The following KCNH6 variants were observed in gnomAD, a reference collection of about 807,000 sequenced individuals.
KCNH6 encodes the protein potassium voltage-gated channel subfamily H member 6.
Under a neutral mutation model 83.4 loss-of-function variants are expected in KCNH6, and 81 were observed. The observed-to-expected ratio is 0.97, with a 90% CI of 0.81 to 1.17. The LOEUF (loss-of-function observed/expected upper bound fraction) is 1.17, where lower values mean the gene tolerates loss of function less well. Ranked by LOEUF, KCNH6 falls within the 50% of genes most tolerant of loss-of-function variation. KCNH6 has a pLI of 0.00. For synonymous variants in KCNH6, 503 were observed against 545.6 expected (o/e 0.92, Z 1.09); for missense variants, 1,203 against 1,290.5 (o/e 0.93, Z 1.04).
downstream of KCNH6, among the ~76,000 whole-genome samples, chr17:63,548,446 G>A (rs1363488323): frequency 6.6e-6 from 1 of 152,136 alleles, no homozygotes; most frequent in Non-Finnish European, 1.5e-5. Context: ...AATAAGCACT[G>A]TTTGCCCCAC....
rs755413613 is a variant in KCNH6 at position 63,545,947 on chromosome 17, T to C, written c.*45T>C. On this transcript the variant is annotated 3_prime_UTR_variant, in exon 13 of 13. Transcript: ENST00000314672. ...ATGAGGGGACTGAAGGTGGGCAAGGTGAGAGTTAAGGATCTTGGGGAGGTG... is the reference window on the plus strand; with the variant it reads ...ATGAGGGGACTGAAGGTGGGCAAGGCGAGAGTTAAGGATCTTGGGGAGGTG... 5.0e-6 allele frequency: 8 copies of C among 1,587,730 alleles called. No individual in the cohort carries two copies. In the Admixed American group the frequency reaches 1.4e-4, roughly 27 times the overall value.
intron 4 of KCNH6, 138 bp downstream of exon 4, chr17:63,530,680 C>T: frequency 1.4e-6 from 1 of 733,790 alleles, no homozygotes; most frequent in South Asian, 1.8e-5. Flanking sequence ...CTGGTTTGAG[C>T]CCCGGGCCTC....
chr17:63,542,632 G>T (rs559331999), intron 9 of KCNH6, among the ~76,000 whole-genome samples, 198 bp downstream of exon 9: 1 of 152,330 alleles, frequency 6.6e-6, no homozygotes, highest in East Asian at 1.9e-4. Flanking sequence ...GGGTGCTAAG[G>T]GTGGGGCTTC....
In KCNH6 at chr17:63,536,536, C is replaced by T. The variant is rs186685863; in HGVS notation, c.1501+468C>T. 5.3e-5 allele frequency among the ~76,000 whole-genome samples: 8 copies of T among 152,102 alleles called. No individual in the cohort carries two copies. In the East Asian group the frequency reaches 1.5e-3, roughly 29 times the overall value. On this transcript the variant is annotated intron_variant, in intron 6 of 12. Transcript: ENST00000314672. Reference sequence around the variant, plus strand: ...GCACATGCCTATAATCCCAGCTACTCGGGAGGCTGAGGCAGGAGAATCAGT... The same window carrying T: ...GCACATGCCTATAATCCCAGCTACTTGGGAGGCTGAGGCAGGAGAATCAGT...
At position 63,535,070 on chromosome 17, in the gene KCNH6, G is replaced by A. The variant is rs972196683; in HGVS notation, c.1102-599G>A. ...TTTCAGATCGCCTACCTGACCCTGT[G>A]TTCCACCCTCTGGGGTGTACAGGGT... On this transcript the variant is annotated intron_variant, in intron 5 of 12. Coordinates refer to ENST00000314672, the MANE Select transcript of KCNH6 (RefSeq NM_001278919.2). The surrounding 1 kb of genome is among the most constrained non-coding windows in gnomAD (Gnocchi z 4.9). 6.6e-6 allele frequency among the ~76,000 whole-genome samples: 1 copy of A among 152,114 alleles called. No individual in the cohort carries two copies. The highest frequency in any genetic ancestry group is 2.4e-5 in the African/African-American group (1 of 41,402).
At chr17:63,532,081 G>A (rs867268758) in intron 4 of KCNH6, among the ~76,000 whole-genome samples, 5 of 152,318 alleles carry the variant, frequency 3.3e-5, no homozygotes, top group Non-Finnish European at 2.9e-5. Context: ...GCTTTGCCAC[G>A]AAGAGCCTCG....
chr17:63,524,261 G>T lies in KCNH6; in HGVS notation c.199G>T (p.Asp67Tyr), dbSNP rs781114824. The T allele has an allele frequency of 3.7e-6, 6 of 1,613,912 alleles. No individual in the cohort carries two copies. The highest frequency in any genetic ancestry group is 1.3e-5 in the African/African-American group (1 of 74,916). The part of the protein sequence containing the change: ...VEVMQQPCTC[D>Y]FLTGPNTPSS... The stretch of plus-strand genomic sequence containing the variant: ...GGTGATGCAGCAACCCTGCACCTGC[G>T]ACTTCCTCACAGGCCCCAACACACC... Residue 67 changes from aspartate to tyrosine, a missense_variant, in exon 2 of 13, where the codon GAC (aspartate) becomes TAC (tyrosine). By Grantham distance (160) the Asp-to-Tyr change is radical (BLOSUM62 -3). Transcript: ENST00000314672.
chr17:63,526,002 T>G (rs1023700602), intron 2 of KCNH6, among the ~76,000 whole-genome samples: 17 of 152,156 alleles, frequency 1.1e-4, no homozygotes, highest in Non-Finnish European at 2.2e-4. Context: ...TGATGGCTCT[T>G]GAGGTCCCCT....
Position 63,536,017 on chromosome 17 carries a change from C to G in KCNH6, c.1450C>G (p.Pro484Ala). The G allele has an allele frequency of 1.2e-6, 2 of 1,613,826 alleles. No individual in the cohort carries two copies. Among genetic ancestry groups the G allele is most frequent in the Non-Finnish European group, 1.7e-6 (2 of 1,180,022 alleles). ...CAGCGTGGGCTTCGGCAATGTCTCG[C>G]CCAACACCAACTCCGAGAAGGTCTT... ...LTSVGFGNVS[P>A]NTNSEKVFSI... The change falls in exon 6 of 13, where the codon CCC becomes GCC. Residue 484 changes from proline to alanine, a missense_variant. Physicochemically the swap from Pro to Ala is conservative, Grantham distance 27. Coordinates refer to ENST00000314672, the MANE Select transcript of KCNH6 (RefSeq NM_001278919.2).
chr17:63,536,038 GTC>G lies in KCNH6; in HGVS notation c.1473_1474del (p.Phe492LeufsTer72). The G allele has an allele frequency of 6.2e-7, 1 of 1,613,642 alleles. No homozygotes were observed. Among genetic ancestry groups the G allele is most frequent in the Non-Finnish European group, 8.5e-7 (1 of 1,180,008 alleles). On this transcript the variant is annotated frameshift_variant, in exon 6 of 13. Transcript: ENST00000314672. LOFTEE classifies it high-confidence loss of function. The stretch of plus-strand genomic sequence containing the variant: ...CTCGCCCAACACCAACTCCGAGAAG[GTC>G]TTCTCCATCTGCGTCATGCTCATCG... Reference protein sequence around the residue: ...NVSPNTNSEKVFSICVMLIGS... With the variant: ...NVSPNTNSEKXFSICVMLIGS...
intron 10 of KCNH6, chr17:63,544,020 C>G (rs771069497): frequency 3.9e-6 from 6 of 1,549,254 alleles, no homozygotes; most frequent in South Asian, 1.2e-5. Flanking sequence ...AGGGTCTCCC[C>G]ATGAGCTGGG....
intron 1 of KCNH6, 124 bp from the exon 2 acceptor site, chr17:63,524,015 C>T (rs1454886623): frequency 1.5e-5 from 11 of 735,896 alleles, no homozygotes; most frequent in South Asian, 7.7e-5. Context: ...TCCCTCATTC[C>T]GGTCACTGCC....
chr17:63,539,085 T>C (rs901469801), intron 8 of KCNH6, among the ~76,000 whole-genome samples: 1 of 152,148 alleles, frequency 6.6e-6, no homozygotes, highest in Admixed American at 6.5e-5. Context: ...CTAGACACTT[T>C]GGAGGAAGGA....
intron 2 of KCNH6, among the ~76,000 whole-genome samples, chr17:63,529,576 C>A (rs747016965): frequency 2.6e-5 from 4 of 152,216 alleles, no homozygotes; most frequent in East Asian, 3.8e-4. Context: ...TGCCTGCCCC[C>A]CAAGGACCTC....
At chr17:63,536,240 A>G (rs2032493550) in intron 6 of KCNH6, 172 bp downstream of exon 6, 3 of 625,178 alleles carry the variant, frequency 4.8e-6, no homozygotes, top group Non-Finnish European at 8.4e-6. Context: ...CCAAGTGTAT[A>G]CAATATTTAA....
chr17:63,547,185 C>G (rs185253736), downstream of KCNH6, among the ~76,000 whole-genome samples: 1 of 151,848 alleles, frequency 6.6e-6, no homozygotes, highest in East Asian at 1.9e-4. Flanking sequence ...GTTCAGGTTG[C>G]GAAAGAGTGT....
Position 63,534,336 on chromosome 17 carries a change from C to T in KCNH6, c.1101+25C>T, listed in dbSNP as rs755274437. 1 of 1,588,920 alleles carries T rather than the reference C, an allele frequency of 6.3e-7. No homozygotes were observed. The highest frequency in any genetic ancestry group is 1.7e-5 in the Admixed American group (1 of 59,080). On this transcript the variant is annotated intron_variant, in intron 5 of 12. Transcript: ENST00000314672. This position sits in a 1 kb window ranked among gnomAD's most constrained non-coding sequence, Gnocchi z 5.0. ...GGTGAGCAGACCCCCTCCAGGCCAG[C>T]AGCCATGGCTGTCCTCTGCACGCTG...
rs1202073815 is a variant in KCNH6, at chr17:63,544,157, G to T, written c.2234-92G>T. On this transcript the variant is annotated intron_variant, in intron 10 of 12. Coordinates refer to ENST00000314672, the MANE Select transcript of KCNH6 (RefSeq NM_001278919.2). ...ACTCCTCACACCCTGTGTCCCCAGGGCAGGTAGGGGGTGGGGGACAGGCTC... is the reference window on the plus strand; with the variant it reads ...ACTCCTCACACCCTGTGTCCCCAGGTCAGGTAGGGGGTGGGGGACAGGCTC... 1.9e-6 allele frequency: 3 copies of T among 1,599,610 alleles called. No homozygotes were observed. In the African/African-American group the frequency reaches 4.0e-5, roughly 21 times the overall value.
At position 63,529,398 on chromosome 17, in the gene KCNH6, G is replaced by A. The variant is rs532954005; in HGVS notation, c.308-693G>A. Among the ~76,000 whole-genome samples, 17 of 152,338 alleles carry A rather than the reference G, an allele frequency of 1.1e-4. No individual in the cohort carries two copies. In the South Asian group the frequency reaches 3.5e-3, roughly 32 times the overall value. ...GGACCCCACACTCCTCCTAGGCCCA[G>A]AGCAGCAGCCTGGTTCTGGCCCCAG... is the stretch of plus-strand genomic sequence containing the variant. On this transcript the variant is annotated intron_variant, in intron 2 of 12. Coordinates refer to ENST00000314672, the MANE Select transcript of KCNH6 (RefSeq NM_001278919.2).
Sources: allele counts gnomAD v4.1 joint callset (sites outside exome capture counted in the v4.1 genomes callset), GRCh38; gene constraint gnomAD v4.1.1; non-coding constraint Gnocchi (gnomAD v3.1); transcripts MANE v1.5; gene names NCBI Gene and HGNC (gene_info 2026-07-23, HGNC 2026-07-21).